The following PCDHA1 variants were observed in gnomAD, a reference collection of about 807,000 sequenced individuals.
PCDHA1 encodes the protein protocadherin alpha 1.
In PCDHA1, 42 loss-of-function variants were observed where a neutral mutation model predicts 61.3. The ratio of observed to expected loss-of-function variants is 0.69; its 90% CI spans 0.54 to 0.89. The LOEUF (loss-of-function observed/expected upper bound fraction) is 0.89. Ranked by LOEUF, PCDHA1 falls within the 40% of genes least tolerant of loss-of-function variation. The pLI is 0.00. For synonymous variants in PCDHA1, 610 were observed against 553.8 expected, an observed-to-expected ratio of 1.10 and a Z score of -1.43; for missense variants, 1,256 against 1,235.3, an observed-to-expected ratio of 1.02 and a Z score of -0.25.
chr5:140,877,419 G>A (rs1554169722), intron 1 of PCDHA1: 1 of 1,613,922 alleles, frequency 6.2e-7, no homozygotes, highest in Non-Finnish European at 8.5e-7. Context: ...GCCTGCTGGT[G>A]CTGGTGAAGG....
At chr5:140,878,933 A>G (rs2057778648) in intron 1 of PCDHA1, among the ~76,000 whole-genome samples, 2 of 152,224 alleles carry the variant, frequency 1.3e-5, no homozygotes, top group Admixed American at 1.3e-4. Context: ...AATAATTTTA[A>G]ATAAATATAT....
chr5:140,856,891 C>G (rs1432277991), intron 1 of PCDHA1: 3 of 1,595,930 alleles, frequency 1.9e-6, no homozygotes, highest in African/African-American at 2.7e-5. Context: ...ATTCATTTAG[C>G]TCTTTGGTCC....
At chr5:140,909,951 G>A (rs560555991) in intron 1 of PCDHA1, among the ~76,000 whole-genome samples, 401 of 152,302 alleles carry the variant, frequency 2.6e-3, no homozygotes, top group African/African-American at 8.3e-3. Context: ...GTAAAAAGCC[G>A]TAGGTCTCCA....
intron 1 of PCDHA1, among the ~76,000 whole-genome samples, chr5:140,917,793 G>A (rs1405580492): frequency 6.6e-6 from 1 of 152,082 alleles, no homozygotes; most frequent in African/African-American, 2.4e-5. Flanking sequence ...TTTGGTTACT[G>A]TAGCCTTGCA....
intron 1 of PCDHA1, chr5:140,802,970 A>G (rs781822296): frequency 1.3e-5 from 21 of 1,613,960 alleles, no homozygotes; most frequent in Non-Finnish European, 1.6e-5. Context: ...GCCACGTGGT[A>G]GCGAAGGTGC....
At chr5:140,904,932 T>C in intron 1 of PCDHA1, among the ~76,000 whole-genome samples, 1 of 152,250 alleles carries the variant, frequency 6.6e-6, no homozygotes, top group African/African-American at 2.4e-5. Context: ...TTGTAGGTTC[T>C]GGATATTAGT....
At chr5:140,893,385 G>A (rs2063961874) in intron 1 of PCDHA1, among the ~76,000 whole-genome samples, 1 of 152,138 alleles carries the variant, frequency 6.6e-6, no homozygotes, top group South Asian at 2.1e-4. Flanking sequence ...TGGGACAGTG[G>A]CTCATGCCTG....
rs2150227697 is a variant in PCDHA1 at position 140,834,836 on chromosome 5, G to C, written c.2394+46152G>C. The C allele has an allele frequency of 8.1e-6, 13 of 1,611,678 alleles. No individual in the cohort carries two copies. In the African/African-American group the frequency reaches 9.4e-5, roughly 12 times the overall value. Reference sequence around the variant, plus strand: ...CGGAATCCAGGCCGCTTGACTCTCGGTTTCCACTAGAGGGCGCGTCCGATG... The same window carrying C: ...CGGAATCCAGGCCGCTTGACTCTCGCTTTCCACTAGAGGGCGCGTCCGATG... On this transcript the variant is annotated intron_variant, in intron 1 of 3. Coordinates refer to ENST00000504120, the MANE Select transcript of PCDHA1 (RefSeq NM_018900.4).
At chr5:140,858,561 C>T in intron 1 of PCDHA1, 1 of 1,370,342 alleles carries the variant, frequency 7.3e-7, no homozygotes, top group Non-Finnish European at 1.0e-6. Flanking sequence ...TTGAATATTT[C>T]TAGTGATACC....
intron 1 of PCDHA1, chr5:140,867,950 C>G (rs2050209580): frequency 1.3e-5 from 2 of 152,002 alleles, no homozygotes; most frequent in Non-Finnish European, 2.9e-5. Context: ...ACTTCTGCTC[C>G]CAAACCCAAA....
chr5:140,917,435 T>A (rs1179418321), intron 1 of PCDHA1, among the ~76,000 whole-genome samples: 2 of 152,200 alleles, frequency 1.3e-5, no homozygotes, highest in South Asian at 2.1e-4. Flanking sequence ...CAATTTTTGT[T>A]TTTGCTGCAA....
chr5:140,892,180 T>G (rs1176959692), intron 1 of PCDHA1, among the ~76,000 whole-genome samples: 1 of 152,224 alleles, frequency 6.6e-6, no homozygotes, highest in Non-Finnish European at 1.5e-5. Flanking sequence ...GGGATCCTCA[T>G]GGGTCTATTC....
intron 1 of PCDHA1, among the ~76,000 whole-genome samples, chr5:140,916,590 G>A (rs1022726274): frequency 2.0e-5 from 3 of 152,182 alleles, no homozygotes; most frequent in Non-Finnish European, 4.4e-5. Flanking sequence ...CCATGAGCTA[G>A]GGCCTGGAAT....
rs1453798087 is a variant in PCDHA1 at position 140,849,691 on chromosome 5, C to T, written c.2394+61007C>T. Reference sequence around the variant, plus strand: ...CCCCACGTCCCCTTCAAGCTGGTGTCCACCTACAAGAATTACTACTCGTTG... The same window carrying T: ...CCCCACGTCCCCTTCAAGCTGGTGTTCACCTACAAGAATTACTACTCGTTG... On this transcript the variant is annotated intron_variant, in intron 1 of 3. Transcript: ENST00000504120. 1.3e-6 allele frequency: 2 copies of T among 1,598,536 alleles called. No individual in the cohort carries two copies. The highest frequency in any genetic ancestry group is 2.2e-5 in the South Asian group (2 of 90,552).
chr5:140,864,821 G>A (rs575763318), intron 1 of PCDHA1: 20 of 152,124 alleles, frequency 1.3e-4, no homozygotes, highest in Middle Eastern at 3.4e-3. Flanking sequence ...CACTTATTTG[G>A]GCTTTAAGTA....
At chr5:141,004,677 A>T (rs971713487) in intron 3 of PCDHA1, among the ~76,000 whole-genome samples, 4 of 152,194 alleles carry the variant, frequency 2.6e-5, no homozygotes, top group African/African-American at 7.2e-5. Context: ...AGGACTGTGG[A>T]GTGGTGCTGA....
rs782017107 is a variant in PCDHA1 at position 140,968,690 on chromosome 5, A to G, written c.2395-10259A>G. ...TAAGGTAGAGCTGCACACAGGAGAAATTAGGACTACCAGGAAGATGGGAGA... is the reference window on the plus strand; with the variant it reads ...TAAGGTAGAGCTGCACACAGGAGAAGTTAGGACTACCAGGAAGATGGGAGA... On this transcript the variant is annotated intron_variant, in intron 1 of 3. Transcript: ENST00000504120. 60 of 1,614,030 alleles carry G rather than the reference A, an allele frequency of 3.7e-5. No individual in the cohort carries two copies. The highest frequency in any genetic ancestry group is 4.8e-5 in the Non-Finnish European group (57 of 1,180,040).
At chr5:140,929,183 C>G (rs148631412) in intron 1 of PCDHA1, 1 of 1,614,144 alleles carries the variant, frequency 6.2e-7, no homozygotes, top group East Asian at 2.2e-5. Flanking sequence ...GGACTTGGTT[C>G]TGATAATAAC....
chr5:140,808,729 C>A, intron 1 of PCDHA1: 1 of 1,612,058 alleles, frequency 6.2e-7, no homozygotes, highest in Non-Finnish European at 8.5e-7. Flanking sequence ...ATGCGGAGAG[C>A]GGCAAGGTGT....
Sources: gnomAD v4.1 joint callset for allele counts (sites outside exome capture counted in the v4.1 genomes callset) on GRCh38, gnomAD v4.1.1 for gene constraint, MANE v1.5 for transcripts, NCBI Gene and HGNC (gene_info 2026-07-23, HGNC 2026-07-21) for gene names.